Variants in HS3ST5 observed in about 807,000 individuals in gnomAD.
HS3ST5 encodes heparan sulfate glucosamine 3-O-sulfotransferase 5.
Under a neutral mutation model 25.4 loss-of-function variants are expected in HS3ST5, and 10 were observed. The ratio of observed to expected loss-of-function variants is 0.39; its 90% CI spans 0.24 to 0.67. HS3ST5 has a LOEUF of 0.67. Ranked by LOEUF, HS3ST5 falls within the 30% of genes least tolerant of loss-of-function variation. HS3ST5 has a pLI of 0.44. For missense variants in HS3ST5, 324 were observed against 420.7 expected (o/e 0.77, Z 2.01); for synonymous variants, 170 against 162.4 (o/e 1.05, Z -0.36).
chr6:114,116,945 A>C (rs1418060932), intron 3 of HS3ST5, among the ~76,000 whole-genome samples: 2 of 152,068 alleles, frequency 1.3e-5, no homozygotes, highest in Non-Finnish European at 2.9e-5. Flanking sequence ...GTAGTAACTG[A>C]ATAATGAATG....
chr6:114,192,703 C>G (rs1780559396), intron 2 of HS3ST5, among the ~76,000 whole-genome samples: 1 of 152,124 alleles, frequency 6.6e-6, no homozygotes. Flanking sequence ...GGGAGAGCCA[C>G]AGATTATTCA....
At chr6:114,230,834 C>G (rs564246698) in intron 1 of HS3ST5, among the ~76,000 whole-genome samples, 1 of 152,020 alleles carries the variant, frequency 6.6e-6, no homozygotes, top group South Asian at 2.1e-4. Context: ...ATGATCCGCC[C>G]GCCTCAGCCT....
chr6:114,076,813 T>G (rs535257179), intron 3 of HS3ST5, among the ~76,000 whole-genome samples: 2 of 151,962 alleles, frequency 1.3e-5, no homozygotes, highest in South Asian at 4.2e-4. Flanking sequence ...GGAGATGGGG[T>G]AGAGATTAAG....
chr6:114,103,857 A>ATTTTTTTTTTTTTTT (rs71553394), intron 3 of HS3ST5, among the ~76,000 whole-genome samples: 1,652 of 106,106 alleles, frequency 0.016, no homozygotes, highest in Non-Finnish European at 0.022. Flanking sequence ...CACCTGGCTA[A>ATTTTTTTTTTTTTTT]TTTTTTTTTT....
At position 114,242,859 on chromosome 6, in the gene HS3ST5, C is replaced by CAAA. The variant is rs376265869; in HGVS notation, c.-338-14084_-338-14082dup. On this transcript the variant is annotated intron_variant, in intron 1 of 4. Transcript: ENST00000312719. ...TGGGCGACAGAGCGAGACTCCGTCT[C>CAAA]AAAAAAAAAAAAAAAAAGAAGAAGG... Among the ~76,000 whole-genome samples, 31 of 110,872 alleles carry CAAA rather than the reference C, an allele frequency of 2.8e-4. 2 individuals carry two copies. The highest frequency in any genetic ancestry group is 5.2e-3 in the Middle Eastern group (1 of 194). 72.7% of individuals were successfully genotyped at this position (110,872 alleles called of 152,430 possible).
At chr6:114,302,114 CA>C (rs1405912307) in intron 1 of HS3ST5, among the ~76,000 whole-genome samples, 1 of 152,154 alleles carries the variant, frequency 6.6e-6, no homozygotes, top group African/African-American at 2.4e-5. Context: ...GCCAAACTGG[CA>C]GCCTACAAAC....
rs961770921 is a variant in HS3ST5, at chr6:114,160,096, A to T, written c.-33+8255T>A. Among the ~76,000 whole-genome samples the T allele has an allele frequency of 5.8e-4, 88 of 152,306 alleles. 1 individual carries two copies. Among genetic ancestry groups the T allele is most frequent in the South Asian group, 1.4e-3 (7 of 4,830 alleles). On this transcript the variant is annotated intron_variant, in intron 3 of 4. Transcript: ENST00000312719. ...AAATAATTGTGACAGGAATAAAAAG[A>T]TTGCATTTCTAGAATGTTGTTATGG...
chr6:114,056,745 T>G lies in HS3ST5; in HGVS notation c.*512A>C, dbSNP rs533805477. 6 of 152,704 alleles carry G rather than the reference T, an allele frequency of 3.9e-5. No individual in the cohort carries two copies. Among genetic ancestry groups the G allele is most frequent in the African/African-American group, 1.4e-4 (6 of 41,562 alleles). The allele number at this position is 152,704 out of a possible 1,614,324, so 9.5% of individuals were successfully genotyped here. On this transcript the variant is annotated 3_prime_UTR_variant, in exon 5 of 5. Coordinates refer to ENST00000312719, the MANE Select transcript of HS3ST5 (RefSeq NM_153612.4). The stretch of plus-strand genomic sequence containing the variant: ...ACAAGAACTTTGGAACAATGTCAAT[T>G]TTATGAGATAAGACGTTCTTTTAAA...
chr6:114,319,288 T>C (rs536354736), intron 1 of HS3ST5, among the ~76,000 whole-genome samples: 1 of 152,278 alleles, frequency 6.6e-6, no homozygotes, highest in South Asian at 2.1e-4. Flanking sequence ...ATAACTCCCC[T>C]CTTTTGGATT....
intron 3 of HS3ST5, among the ~76,000 whole-genome samples, chr6:114,146,664 G>T (rs149454763): frequency 1.8e-3 from 272 of 152,304 alleles, no homozygotes; most frequent in Admixed American, 4.0e-3. Flanking sequence ...AGTGGAAGTG[G>T]GGACTGGTGG....
intron 2 of HS3ST5, among the ~76,000 whole-genome samples, chr6:114,210,177 T>C (rs542769617): frequency 6.6e-6 from 1 of 152,304 alleles, no homozygotes; most frequent in Non-Finnish European, 1.5e-5. Context: ...AAACTGAAAT[T>C]AGGAAATAAA....
At chr6:114,273,228 T>A (rs1426122039) in intron 1 of HS3ST5, among the ~76,000 whole-genome samples, 1 of 151,988 alleles carries the variant, frequency 6.6e-6, no homozygotes, top group African/African-American at 2.4e-5. Context: ...GTAATCCTGA[T>A]GAATTAGATG....
intron 2 of HS3ST5, among the ~76,000 whole-genome samples, chr6:114,209,642 C>T (rs1156781308): frequency 4.6e-5 from 7 of 151,956 alleles, no homozygotes; most frequent in Admixed American, 4.6e-4. Context: ...TTTTGCTATC[C>T]CTTATAGTAG....
At chr6:114,207,663 C>G (rs1474756287) in intron 2 of HS3ST5, among the ~76,000 whole-genome samples, 1 of 152,066 alleles carries the variant, frequency 6.6e-6, no homozygotes, top group Non-Finnish European at 1.5e-5. Context: ...ACAAAAGACT[C>G]CCCTGCCTCC....
At chr6:114,338,949 G>A (rs1776717828) in intron 1 of HS3ST5, among the ~76,000 whole-genome samples, 1 of 151,992 alleles carries the variant, frequency 6.6e-6, no homozygotes, top group South Asian at 2.1e-4. Flanking sequence ...ACCAAAAAAT[G>A]GAAAGGATTT....
intron 3 of HS3ST5, among the ~76,000 whole-genome samples, chr6:114,163,489 G>A (rs893434682): frequency 2.6e-5 from 4 of 152,072 alleles, no homozygotes; most frequent in Non-Finnish European, 4.4e-5. Context: ...ATTATTTAGT[G>A]GAAAGAATAT....
intron 1 of HS3ST5, among the ~76,000 whole-genome samples, chr6:114,271,050 T>C (rs1047961720): frequency 1.3e-5 from 2 of 152,088 alleles, no homozygotes; most frequent in Non-Finnish European, 2.9e-5. Context: ...ATTCACAATA[T>C]AAATTTCCTC....
intron 1 of HS3ST5, among the ~76,000 whole-genome samples, chr6:114,302,065 A>C (rs1238190118): frequency 6.6e-6 from 1 of 152,168 alleles, no homozygotes; most frequent in Non-Finnish European, 1.5e-5. Context: ...AGTTTTGCAA[A>C]TATTTGAAGT....
intron 1 of HS3ST5, among the ~76,000 whole-genome samples, chr6:114,273,844 G>A (rs1395659745): frequency 6.6e-6 from 1 of 151,964 alleles, no homozygotes; most frequent in Non-Finnish European, 1.5e-5. Flanking sequence ...GGGGAGAAGA[G>A]GCACTGGAGA....
Sources: gnomAD v4.1 joint callset for allele counts (sites outside exome capture counted in the v4.1 genomes callset) on GRCh38, gnomAD v4.1.1 for gene constraint, MANE v1.5 for transcripts, NCBI Gene and HGNC (gene_info 2026-07-23, HGNC 2026-07-21) for gene names.